Variants in OPHN1 observed in about 807,000 individuals in gnomAD.
The protein encoded by OPHN1 is oligophrenin-1.
In OPHN1, 11 loss-of-function variants were observed where a neutral mutation model predicts 60.7. That is an observed-to-expected ratio of 0.18 (90% confidence interval 0.11 to 0.30). The LOEUF (loss-of-function observed/expected upper bound fraction) is 0.30, where lower values mean the gene tolerates loss of function less well. Ranked by LOEUF, OPHN1 falls within the 10% of genes least tolerant of loss-of-function variation. OPHN1 has a pLI of 1.00. For missense variants in OPHN1, 449 were observed against 611.0 expected (o/e 0.73, Z 2.80); for synonymous variants, 226 against 222.6 (o/e 1.02, Z -0.14).
At chrX:68,265,529 C>T (rs991333033) in intron 5 of OPHN1, among the ~76,000 whole-genome samples, 1 of 111,322 alleles carries the variant, frequency 9.0e-6, no homozygotes, top group Non-Finnish European at 1.9e-5. Flanking sequence ...CCCATCTGTA[C>T]GTCAAAATCA....
chrX:68,370,011 AATATATATATATAT>A (rs761607454), intron 2 of OPHN1, among the ~76,000 whole-genome samples: 20 of 64,356 alleles, frequency 3.1e-4, no homozygotes, highest in South Asian at 9.1e-4. Context: ...AAATTGCTGA[AATATATATATATAT>A]ATATATATAT....
At chrX:68,359,225 ATTTT>A (rs765131300) in intron 2 of OPHN1, among the ~76,000 whole-genome samples, 1 of 111,651 alleles carries the variant, frequency 9.0e-6, no homozygotes, top group Non-Finnish European at 1.9e-5. Context: ...AATTTTTAAT[ATTTT>A]TTAATAGTGC....
chrX:68,271,196 A>T (rs2077966761), intron 5 of OPHN1, among the ~76,000 whole-genome samples: 1 of 110,712 alleles, frequency 9.0e-6, no homozygotes, highest in African/African-American at 3.3e-5. Context: ...TACTCAAATA[A>T]GGAGAAATTT....
At chrX:68,055,756 T>C (rs1258144804) in intron 21 of OPHN1, among the ~76,000 whole-genome samples, 2 of 112,207 alleles carry the variant, frequency 1.8e-5, no homozygotes, top group African/African-American at 6.5e-5. Context: ...ATATGCACCA[T>C]GGAATACTAT....
In OPHN1 at chrX:68,413,642, A is replaced by T. The variant is rs1270452608; in HGVS notation, c.154+19225T>A. ...CTAGATAGGGCAGGTTCAGTGGCTCATACCTGTAATCCCAGCACTTTGGGA... is the reference window on the plus strand; with the variant it reads ...CTAGATAGGGCAGGTTCAGTGGCTCTTACCTGTAATCCCAGCACTTTGGGA... On this transcript the variant is annotated intron_variant, in intron 2 of 24. Coordinates refer to ENST00000355520, the MANE Select transcript of OPHN1 (RefSeq NM_002547.3). 2.7e-5 allele frequency among the ~76,000 whole-genome samples: 3 copies of T among 111,583 alleles called. No individual in the cohort carries two copies. In the East Asian group the frequency reaches 8.4e-4, roughly 31 times the overall value.
chrX:68,195,977 C>T (rs995632287), intron 12 of OPHN1, among the ~76,000 whole-genome samples: 1 of 111,760 alleles, frequency 8.9e-6, no homozygotes, highest in African/African-American at 3.3e-5. Context: ...AAATGCCTTG[C>T]TGAGCTTCCC....
intron 15 of OPHN1, among the ~76,000 whole-genome samples, chrX:68,139,753 G>C (rs1022364587): frequency 8.9e-6 from 1 of 112,194 alleles, no homozygotes; most frequent in Non-Finnish European, 1.9e-5. Context: ...AGTTCAATGC[G>C]GGCAAGGCCC....
intron 5 of OPHN1, among the ~76,000 whole-genome samples, chrX:68,267,044 G>T (rs947345783): frequency 9.0e-6 from 1 of 111,271 alleles, no homozygotes; most frequent in East Asian, 2.8e-4. Context: ...CTTAGAGATC[G>T]AGAAAGAGAC....
chrX:68,412,909 G>A (rs1431904000), intron 2 of OPHN1, among the ~76,000 whole-genome samples: 1 of 111,246 alleles, frequency 9.0e-6, no homozygotes, highest in Non-Finnish European at 1.9e-5. Context: ...TAATCTTTTG[G>A]AGTATTTCTT....
rs762559722 is a variant in OPHN1 at position 68,192,201 on chromosome X, A to G, written c.1276+718T>C. On this transcript the variant is annotated intron_variant, in intron 15 of 24. Coordinates refer to ENST00000355520, the MANE Select transcript of OPHN1 (RefSeq NM_002547.3). ...CAGCAAGTTATTGAAAAGGAATCCT[A>G]TAAGATGTTAGAAGAGGTCAGGCAT... is the stretch of plus-strand genomic sequence containing the variant. 4.5e-5 allele frequency among the ~76,000 whole-genome samples: 5 copies of G among 112,055 alleles called. No homozygotes were observed. The South Asian group carries it at 1.9e-3, about 42-fold the overall frequency.
chrX:68,322,522 C>A (rs1459424231), intron 2 of OPHN1, among the ~76,000 whole-genome samples: 2 of 111,750 alleles, frequency 1.8e-5, no homozygotes, highest in Non-Finnish European at 3.8e-5. Context: ...CACGGTGGCT[C>A]ATGCTTGTAA....
chrX:68,253,340 T>C (rs150611177), intron 5 of OPHN1, among the ~76,000 whole-genome samples: 1,208 of 111,627 alleles, frequency 0.011, 14 homozygotes, highest in African/African-American at 0.037. Flanking sequence ...AGACATTGGG[T>C]CTACAAGGTT....
rs767844914 is a variant in OPHN1, at chrX:68,194,775, C to T, written c.1105-277G>A. Among the ~76,000 whole-genome samples, 11 of 109,601 alleles carry T rather than the reference C, an allele frequency of 1.0e-4. No individual in the cohort carries two copies. The South Asian group carries it at 3.2e-3, about 32-fold the overall frequency. ...CTTGAGGTCAGGAGTTTAAGACCAG[C>T]CTGGCAAACATCATGAAACCCCATC... On this transcript the variant is annotated intron_variant, in intron 12 of 24. Transcript: ENST00000355520.
chrX:68,211,297 C>T (rs1216979011), intron 8 of OPHN1, among the ~76,000 whole-genome samples: 1 of 112,392 alleles, frequency 8.9e-6, no homozygotes, highest in Non-Finnish European at 1.9e-5. Flanking sequence ...ATTCTAAAGT[C>T]ACCAACTCAG....
At chrX:68,422,725 AAGGAAGG>A (rs1569309578) in intron 2 of OPHN1, among the ~76,000 whole-genome samples, 38 of 72,201 alleles carry the variant, frequency 5.3e-4, no homozygotes, top group African/African-American at 2.0e-3. Flanking sequence ...GAAAGAAAGG[AAGGAAGG>A]AAGGAAGGAA....
intron 9 of OPHN1, among the ~76,000 whole-genome samples, chrX:68,207,604 A>C (rs1185597560): frequency 1.8e-5 from 2 of 110,812 alleles, no homozygotes; most frequent in Non-Finnish European, 3.8e-5. Flanking sequence ...TTTAAAATAT[A>C]TCTCTATTTT....
chrX:68,345,582 C>T (rs1464946484), intron 2 of OPHN1, among the ~76,000 whole-genome samples: 2 of 111,359 alleles, frequency 1.8e-5, no homozygotes, highest in Non-Finnish European at 3.8e-5. Flanking sequence ...TTGTATCAGC[C>T]GGGGAGCTCA....
At chrX:68,159,480 A>G (rs1336079462) in intron 15 of OPHN1, among the ~76,000 whole-genome samples, 1 of 112,275 alleles carries the variant, frequency 8.9e-6, no homozygotes, top group African/African-American at 3.2e-5. Context: ...TGGGTATGAT[A>G]CCAAGAAATG....
chrX:68,150,333 A>C (rs2077280577), intron 15 of OPHN1, among the ~76,000 whole-genome samples: 1 of 111,872 alleles, frequency 8.9e-6, no homozygotes. Flanking sequence ...TAAAAAAAGA[A>C]TGTCACACTG....
Sources: allele counts gnomAD v4.1 joint callset (sites outside exome capture counted in the v4.1 genomes callset), GRCh38; gene constraint gnomAD v4.1.1; transcripts MANE v1.5; gene names NCBI Gene and HGNC (gene_info 2026-07-23, HGNC 2026-07-21).